The following ADAMTS20 variants were observed in gnomAD, a reference collection of about 807,000 sequenced individuals.
ADAMTS20 encodes ADAM metallopeptidase with thrombospondin type 1 motif 20.
In ADAMTS20, 225 loss-of-function variants were observed where a neutral mutation model predicts 260.1. The observed-to-expected ratio is 0.87, with a 90% CI of 0.78 to 0.97. The LOEUF (loss-of-function observed/expected upper bound fraction) is 0.97, where lower values mean the gene tolerates loss of function less well. Ranked by LOEUF, ADAMTS20 falls within the 50% of genes least tolerant of loss-of-function variation. The pLI, the probability that ADAMTS20 is intolerant of heterozygous loss-of-function variation, is 0.00. For missense variants in ADAMTS20, 2,400 were observed against 2,337.7 expected (o/e 1.03, Z -0.55); for synonymous variants, 802 against 769.5 (o/e 1.04, Z -0.70).
intron 2 of ADAMTS20, among the ~76,000 whole-genome samples, chr12:43,543,023 G>A (rs1943396440): frequency 6.6e-6 from 1 of 152,186 alleles, no homozygotes; most frequent in Non-Finnish European, 1.5e-5. Flanking sequence ...ACCAAGGGCT[G>A]GGCACTTGGC....
intron 37 of ADAMTS20, among the ~76,000 whole-genome samples, chr12:43,360,559 A>G (rs761791059): frequency 6.6e-5 from 10 of 152,364 alleles, no homozygotes; most frequent in Admixed American, 1.3e-4. Flanking sequence ...TGAGTCCCCA[A>G]TCATTAAACC....
At chr12:43,503,464 A>C (rs1394237450) in intron 3 of ADAMTS20, among the ~76,000 whole-genome samples, 1 of 152,116 alleles carries the variant, frequency 6.6e-6, no homozygotes, top group Non-Finnish European at 1.5e-5. Context: ...ATGTAATCCT[A>C]TGGCTGTAAG....
intron 37 of ADAMTS20, among the ~76,000 whole-genome samples, chr12:43,366,222 A>G (rs936658436): frequency 3.3e-5 from 5 of 151,884 alleles, no homozygotes; most frequent in African/African-American, 1.2e-4. Flanking sequence ...TTTAAAACAA[A>G]AACATTACTG....
chr12:43,383,694 T>G lies in ADAMTS20; in HGVS notation c.4661A>C (p.Gln1554Pro). 6.2e-7 allele frequency: 1 copy of G among 1,613,964 alleles called. No homozygotes were observed. Among genetic ancestry groups the G allele is most frequent in the South Asian group, 1.1e-5 (1 of 91,074 alleles). ...STSCERKDSH[Q>P]RMECTDNQIR... ...TTGGTTATCTGTGCACTCCATTCGT[T>G]GATGTGAATCTTTTCTCTCACATGA... Residue 1554 changes from glutamine to proline, a missense_variant, in exon 31 of 39, where the codon CAA (glutamine) becomes CCA (proline). By Grantham distance (76) the Gln-to-Pro change is moderately conservative (BLOSUM62 -1). Coordinates refer to ENST00000389420, the MANE Select transcript of ADAMTS20 (RefSeq NM_025003.5).
chr12:43,413,565 C>T (rs1014665269), intron 28 of ADAMTS20, among the ~76,000 whole-genome samples: 6 of 151,998 alleles, frequency 3.9e-5, no homozygotes, highest in Non-Finnish European at 8.8e-5. Context: ...ATAAGTATCA[C>T]CTTAAAAGAA....
intron 6 of ADAMTS20, 97 bp downstream of exon 6, chr12:43,492,402 GAAAAAC>G: frequency 3.9e-6 from 4 of 1,032,724 alleles, no homozygotes; most frequent in Non-Finnish European, 4.0e-6. Context: ...AAAAGAAAAA[GAAAAAC>G]AAAAACAAAA....
At chr12:43,361,918 C>G (rs1037705911) in intron 37 of ADAMTS20, among the ~76,000 whole-genome samples, 7 of 152,144 alleles carry the variant, frequency 4.6e-5, no homozygotes, top group Admixed American at 2.6e-4. Flanking sequence ...TTCTTGATGT[C>G]TCATTGACCA....
chr12:43,395,579 T>TA (rs953500731), intron 29 of ADAMTS20, among the ~76,000 whole-genome samples: 1 of 151,808 alleles, frequency 6.6e-6, no homozygotes, highest in African/African-American at 2.4e-5. Context: ...GCTCTGGTCT[T>TA]AAAATGCAAG....
At chr12:43,479,085 C>G (rs1420744870) in intron 7 of ADAMTS20, among the ~76,000 whole-genome samples, 2 of 152,044 alleles carry the variant, frequency 1.3e-5, no homozygotes, top group African/African-American at 4.8e-5. Flanking sequence ...TGGAAAGAAC[C>G]CATACATTTA....
At chr12:43,433,749 A>G in intron 19 of ADAMTS20, 1 of 466,420 alleles carries the variant, frequency 2.1e-6, no homozygotes, top group South Asian at 1.5e-5. Flanking sequence ...CACAAACCAA[A>G]TAACAAGAAA....
intron 2 of ADAMTS20, among the ~76,000 whole-genome samples, chr12:43,542,273 C>A (rs915825021): frequency 2.0e-5 from 3 of 151,988 alleles, no homozygotes; most frequent in African/African-American, 7.3e-5. Context: ...AATAAGAAAT[C>A]ATTAAAAACT....
intron 21 of ADAMTS20, 72 bp downstream of exon 21, chr12:43,432,232 G>T: frequency 6.9e-6 from 10 of 1,453,092 alleles, no homozygotes; most frequent in Non-Finnish European, 9.3e-6. Flanking sequence ...TTTAAATTTT[G>T]TAAAGTCTTA....
intron 11 of ADAMTS20, among the ~76,000 whole-genome samples, chr12:43,455,318 A>G (rs1165228102): frequency 6.6e-6 from 1 of 152,242 alleles, no homozygotes; most frequent in East Asian, 1.9e-4. Flanking sequence ...TAAATAACAG[A>G]AATTCATTTC....
chr12:43,551,933 G>A lies in ADAMTS20; in HGVS notation c.-12C>T. ...TTGGCCACCCACATGGTTCCACCCTGGGGACCCCGATCGGGGAGGCCCACC... is the reference window on the plus strand; with the variant it reads ...TTGGCCACCCACATGGTTCCACCCTAGGGACCCCGATCGGGGAGGCCCACC... On this transcript the variant is annotated 5_prime_UTR_variant, in exon 1 of 39. Transcript: ENST00000389420. This position sits in a 1 kb window ranked among gnomAD's most constrained non-coding sequence, Gnocchi z 4.6. The A allele has an allele frequency of 6.2e-7, 1 of 1,612,632 alleles. No individual in the cohort carries two copies. Among genetic ancestry groups the A allele is most frequent in the South Asian group, 1.1e-5 (1 of 91,070 alleles).
intron 7 of ADAMTS20, among the ~76,000 whole-genome samples, chr12:43,487,045 C>T (rs781236488): frequency 2.6e-5 from 4 of 152,162 alleles, no homozygotes; most frequent in African/African-American, 9.7e-5. Flanking sequence ...AATAGATCTA[C>T]CATTTGATCC....
chr12:43,427,533 A>T lies in ADAMTS20; in HGVS notation c.3946-64T>A, dbSNP rs1941357013. On this transcript the variant is annotated intron_variant, in intron 26 of 38. Transcript: ENST00000389420. Reference sequence around the variant, plus strand: ...ATTCCACATAATGAATTTACATGGTAAAAAAAAAAAATCAGCATTGACTCA... The same window carrying T: ...ATTCCACATAATGAATTTACATGGTTAAAAAAAAAAATCAGCATTGACTCA... The T allele has an allele frequency of 5.4e-5, 31 of 575,154 alleles. No individual in the cohort carries two copies. In the South Asian group the frequency reaches 1.4e-3, roughly 26 times the overall value. The allele number at this position is 575,154 out of a possible 1,614,324, so 35.6% of individuals were successfully genotyped here. A position where few individuals can be genotyped will look rare whatever the true frequency, so the allele number is the denominator to read the frequency against.
At chr12:43,470,539 C>T (rs1942235737) in intron 7 of ADAMTS20, among the ~76,000 whole-genome samples, 1 of 152,156 alleles carries the variant, frequency 6.6e-6, no homozygotes, top group Non-Finnish European at 1.5e-5. Flanking sequence ...TGTGTCTAGA[C>T]TCATTCAAGC....
chr12:43,405,248 A>C (rs1208410073), intron 28 of ADAMTS20, among the ~76,000 whole-genome samples: 3 of 140,304 alleles, frequency 2.1e-5, no homozygotes, highest in East Asian at 4.0e-4. Flanking sequence ...AAAAAAAAAA[A>C]AAAAAAAAAA....
At chr12:43,548,159 A>G (rs1943465925) in intron 2 of ADAMTS20, among the ~76,000 whole-genome samples, 1 of 152,216 alleles carries the variant, frequency 6.6e-6, no homozygotes, top group South Asian at 2.1e-4. Context: ...TACAACATCC[A>G]TTCATGATTA....
Sources: gnomAD v4.1 joint callset for allele counts (sites outside exome capture counted in the v4.1 genomes callset) on GRCh38, gnomAD v4.1.1 for gene constraint, Gnocchi (gnomAD v3.1) non-coding constraint, MANE v1.5 for transcripts, NCBI Gene and HGNC (gene_info 2026-07-23, HGNC 2026-07-21) for gene names.